Variants in NKX2-8 observed in about 807,000 individuals in gnomAD.
NKX2-8 encodes NK2 homeobox 8, also known as homeobox protein Nkx-2.8.
In NKX2-8, 8 loss-of-function variants were observed where a neutral mutation model predicts 6.4. The ratio of observed to expected loss-of-function variants is 1.24; its 90% CI spans 0.73 to 2.24. The LOEUF (loss-of-function observed/expected upper bound fraction) is 2.24. Among genes scored for constraint, NKX2-8 ranks in the 30% most tolerant of loss-of-function variants. The pLI, the probability that NKX2-8 is intolerant of heterozygous loss-of-function variation, is 0.00. For synonymous variants in NKX2-8, 216 were observed against 171.5 expected, an observed-to-expected ratio of 1.26 and a Z score of -2.03; for missense variants, 406 against 351.1, an observed-to-expected ratio of 1.16 and a Z score of -1.25.
intron 1 of NKX2-8, 116 bp downstream of exon 1, chr14:36,582,117 A>G (rs1030564210): frequency 2.4e-5 from 28 of 1,184,148 alleles, no homozygotes; most frequent in Middle Eastern, 2.9e-4. Flanking sequence ...AGACTGAGGA[A>G]ATCTAGACTC....
Position 36,581,593 on chromosome 14 carries a change from G to A in NKX2-8, c.158-129C>T. On this transcript the variant is annotated intron_variant, in intron 1 of 1. Coordinates refer to ENST00000258829, the MANE Select transcript of NKX2-8 (RefSeq NM_014360.4). This position sits in a 1 kb window ranked among gnomAD's most constrained non-coding sequence, Gnocchi z 5.6. ...ACTAGCCCGAGACTTTCGGGATGAG[G>A]CCATTTCCTGAGTCCACATCTGGAC... 1.3e-6 allele frequency: 1 copy of A among 756,370 alleles called. No individual in the cohort carries two copies. The highest frequency in any genetic ancestry group is 2.8e-5 in the East Asian group (1 of 35,334). The allele number at this position is 756,370 out of a possible 1,614,324, so 46.9% of individuals were successfully genotyped here.
chr14:36,581,046 G>T lies in NKX2-8; in HGVS notation c.576C>A (p.Ala192=). 1 of 1,369,156 alleles carries T rather than the reference G, an allele frequency of 7.3e-7. No homozygotes were observed. Among genetic ancestry groups the T allele is most frequent in the Non-Finnish European group, 9.3e-7 (1 of 1,073,188 alleles). 84.8% of individuals were successfully genotyped at this position (1,369,156 alleles called of 1,614,324 possible). A position where few individuals can be genotyped will look rare whatever the true frequency, so the allele number is the denominator to read the frequency against. ...GGGCGCCGCACTTCTCCTGGGCCGC[G>T]GCGGTTCCCACCTCGCCACCGCCGC... ...GGGGGGEVGT[A]AAQEKCGAPP... Residue 192 remains alanine, a synonymous_variant, in exon 2 of 2, where the codon GCC becomes GCA. Coordinates refer to ENST00000258829, the MANE Select transcript of NKX2-8 (RefSeq NM_014360.4). This position sits in a 1 kb window ranked among gnomAD's most constrained non-coding sequence, Gnocchi z 5.6.
rs1157953986 is a variant in NKX2-8 at position 36,580,679 on chromosome 14, T to C, written c.*223A>G. The C allele has an allele frequency of 1.3e-5, 5 of 396,456 alleles. No individual in the cohort carries two copies. The highest frequency in any genetic ancestry group is 2.2e-5 in the Non-Finnish European group (5 of 225,320). 24.6% of individuals were successfully genotyped at this position (396,456 alleles called of 1,614,324 possible). A position where few individuals can be genotyped will look rare whatever the true frequency, so the allele number is the denominator to read the frequency against. ...AAGGCCCAAGCATAAAATCTAACTCTGGGGCTGGCGGTGGAGGGAAGGTGA... is the reference window on the plus strand; with the variant it reads ...AAGGCCCAAGCATAAAATCTAACTCCGGGGCTGGCGGTGGAGGGAAGGTGA... On this transcript the variant is annotated 3_prime_UTR_variant, in exon 2 of 2. Coordinates refer to ENST00000258829, the MANE Select transcript of NKX2-8 (RefSeq NM_014360.4).
rs769640412 is a variant in NKX2-8 at position 36,581,417 on chromosome 14, G to T, written c.205C>A (p.Arg69=). The T allele has an allele frequency of 6.3e-7, 1 of 1,590,556 alleles. No homozygotes were observed. The highest frequency in any genetic ancestry group is 8.5e-7 in the Non-Finnish European group (1 of 1,169,810). Residue 69 remains arginine (R), a synonymous_variant, in exon 2 of 2, where the codon CGG becomes AGG. Coordinates refer to ENST00000258829, the MANE Select transcript of NKX2-8 (RefSeq NM_014360.4). The surrounding 1 kb of genome is among the most constrained non-coding windows in gnomAD (Gnocchi z 5.6). ...LETSPPDSSQ[R]PSARPASPGS... ...GGAGACGCGGGCCTAGCGGACGGCC[G>T]CTGCGACGAGTCTGGCGGGCTGGTC...
rs775973523 is a variant in NKX2-8, at chr14:36,582,359, C to G, written c.31G>C (p.Val11Leu). The G allele has an allele frequency of 6.3e-7, 1 of 1,579,984 alleles. No homozygotes were observed. Among genetic ancestry groups the G allele is most frequent in the South Asian group, 1.1e-5 (1 of 87,676 alleles). Residue 11 changes from valine (V) to leucine (L), a missense_variant, in exon 1 of 2, where the codon GTG becomes CTG. Transcript: ENST00000258829. The part of the protein sequence containing the change: MATSGRLSFT[V>L]RSLLDLPEQD... ...TCGGGTAAATCTAGAAGGCTGCGCA[C>G]GGTGAAGCTCAGGCGTCCAGAGGTG...
rs779787882 is a variant in NKX2-8, at chr14:36,580,218, T to A, written c.*684A>T. ...AGAAACTCCTTCTGCCCTGTCGTGG[T>A]CCACAGGGTTGACTTTTCGGTATTC... On this transcript the variant is annotated 3_prime_UTR_variant, in exon 2 of 2. Coordinates refer to ENST00000258829, the MANE Select transcript of NKX2-8 (RefSeq NM_014360.4). Among the ~76,000 whole-genome samples the A allele has an allele frequency of 6.6e-6, 1 of 152,174 alleles. No homozygotes were observed. Among genetic ancestry groups the A allele is most frequent in the Admixed American group, 6.5e-5 (1 of 15,282 alleles).
In NKX2-8 at chr14:36,582,481, C is replaced by T; in HGVS notation, c.-92G>A. 1 of 1,266,944 alleles carries T rather than the reference C, an allele frequency of 7.9e-7. No homozygotes were observed. The highest frequency in any genetic ancestry group is 1.1e-6 in the Non-Finnish European group (1 of 939,972). 78.5% of individuals were successfully genotyped at this position (1,266,944 alleles called of 1,614,324 possible). A position where few individuals can be genotyped will look rare whatever the true frequency, so the allele number is the denominator to read the frequency against. ...CCTACGGATGGGCGTGGGAGGCGCT[C>T]GCCATGCGCTGGCAGCCGGGATATT... On this transcript the variant is annotated 5_prime_UTR_variant, in exon 1 of 2. Transcript: ENST00000258829.
chr14:36,581,578 G>A lies in NKX2-8; in HGVS notation c.158-114C>T. The A allele has an allele frequency of 1.1e-6, 1 of 908,232 alleles. No individual in the cohort carries two copies. The highest frequency in any genetic ancestry group is 1.7e-5 in the African/African-American group (1 of 59,038). The allele number at this position is 908,232 out of a possible 1,614,324, so 56.3% of individuals were successfully genotyped here. ...CCAGAGGGCACGCCCACTAGCCCGA[G>A]ACTTTCGGGATGAGGCCATTTCCTG... On this transcript the variant is annotated intron_variant, in intron 1 of 1. Coordinates refer to ENST00000258829, the MANE Select transcript of NKX2-8 (RefSeq NM_014360.4). This position sits in a 1 kb window ranked among gnomAD's most constrained non-coding sequence, Gnocchi z 5.6.
Position 36,581,285 on chromosome 14 carries a change from C to A in NKX2-8, c.337G>T (p.Glu113Ter). The change falls in exon 2 of 2, where the codon GAG (glutamate) becomes TAG (stop). Residue 113 changes from glutamate (E) to a stop codon, truncating the protein, a stop_gained. Transcript: ENST00000258829. LOFTEE classifies it low-confidence loss of function (END_TRUNC). This position sits in a 1 kb window ranked among gnomAD's most constrained non-coding sequence, Gnocchi z 5.6. Reference protein sequence around the residue: ...FRQQRYLSAPEREQLASLLRL... With the variant: ...FRQQRYLSAP ...AGCAGGCTCGCCAGCTGCTCGCGCTCGGGCGCAGACAGGTACCGCTGCTGC... is the reference window on the plus strand; with the variant it reads ...AGCAGGCTCGCCAGCTGCTCGCGCTAGGGCGCAGACAGGTACCGCTGCTGC... 1.2e-6 allele frequency: 2 copies of A among 1,600,568 alleles called. No individual in the cohort carries two copies. Among genetic ancestry groups the A allele is most frequent in the South Asian group, 1.1e-5 (1 of 89,066 alleles).
chr14:36,580,788 G>A lies in NKX2-8; in HGVS notation c.*114C>T. 1.3e-6 allele frequency: 1 copy of A among 758,756 alleles called. No individual in the cohort carries two copies. Among genetic ancestry groups the A allele is most frequent in the Non-Finnish European group, 1.8e-6 (1 of 554,764 alleles). 47.0% of individuals were successfully genotyped at this position (758,756 alleles called of 1,614,324 possible). On this transcript the variant is annotated 3_prime_UTR_variant, in exon 2 of 2. Transcript: ENST00000258829. ...CGCCAGGGACCCTGGCGCCCAAGGA[G>A]ATGGGGCTGCAGGGAGGCGGACGGA...
chr14:36,581,538 G>A lies in NKX2-8; in HGVS notation c.158-74C>T. ...AGGGCCTGCTGCCCTTCTGGCGCGG[G>A]CGTGGAGGCACTGGCCAGAGGGCAC... On this transcript the variant is annotated intron_variant, in intron 1 of 1. Coordinates refer to ENST00000258829, the MANE Select transcript of NKX2-8 (RefSeq NM_014360.4). The surrounding 1 kb of genome is among the most constrained non-coding windows in gnomAD (Gnocchi z 5.6). 4 of 1,369,824 alleles carry A rather than the reference G, an allele frequency of 2.9e-6. 1 individual carries two copies. The South Asian group carries it at 6.0e-5, about 21-fold the overall frequency. 84.9% of individuals were successfully genotyped at this position (1,369,824 alleles called of 1,614,324 possible).
intron 1 of NKX2-8, 117 bp downstream of exon 1, chr14:36,582,116 A>G: frequency 8.6e-7 from 1 of 1,165,986 alleles, no homozygotes; most frequent in Non-Finnish European, 1.2e-6. Context: ...AAGACTGAGG[A>G]AATCTAGACT....
Position 36,581,225 on chromosome 14 carries a change from G to A in NKX2-8, c.397C>T (p.Gln133Ter). 4 of 1,611,060 alleles carry A rather than the reference G, an allele frequency of 2.5e-6. No homozygotes were observed. Among genetic ancestry groups the A allele is most frequent in the Non-Finnish European group, 2.5e-6 (3 of 1,179,372 alleles). ...CGCTTCAGCTTGTAGCGATGATTCT[G>A]GAACCAGATCTTGACCTGCGTGGGC... ...LTPTQVKIWF[Q>*]NHRYKLKRAR... The change falls in exon 2 of 2, where the codon CAG becomes TAG. Residue 133 changes from glutamine to a stop codon, truncating the protein, a stop_gained. Transcript: ENST00000258829. LOFTEE classifies it low-confidence loss of function (END_TRUNC). The surrounding 1 kb of genome is among the most constrained non-coding windows in gnomAD (Gnocchi z 5.6).
rs755903274 is a variant in NKX2-8 at position 36,581,145 on chromosome 14, C to T, written c.477G>A (p.Leu159=). ...ESPDLAASAE[L]HAAPGLLRRV... ...GACGCAGCAGGCCGGGCGCGGCGTGCAGCTCGGCGGATGCTGCCAGGTCAG... is the reference window on the plus strand; with the variant it reads ...GACGCAGCAGGCCGGGCGCGGCGTGTAGCTCGGCGGATGCTGCCAGGTCAG... Residue 159 remains leucine, a synonymous_variant, in exon 2 of 2, where the codon CTG becomes CTA. Transcript: ENST00000258829. The surrounding 1 kb of genome is among the most constrained non-coding windows in gnomAD (Gnocchi z 5.6). The T allele has an allele frequency of 3.2e-6, 5 of 1,556,596 alleles. No homozygotes were observed. The highest frequency in any genetic ancestry group is 4.3e-6 in the Non-Finnish European group (5 of 1,159,350).
Position 36,581,082 on chromosome 14 carries a change from C to A in NKX2-8, c.540G>T (p.Pro180=). The part of the protein sequence containing the change: ...VVPVLVRDGQ[P]CGGGGGGEVG... ...CCTCGCCACCGCCGCCGCCGCCGCA[C>A]GGCTGCCCGTCGCGAACAAGCACCG... Residue 180 remains proline, a synonymous_variant, in exon 2 of 2, where the codon CCG becomes CCT. Transcript: ENST00000258829. The surrounding 1 kb of genome is among the most constrained non-coding windows in gnomAD (Gnocchi z 5.6). 7.1e-7 allele frequency: 1 copy of A among 1,408,358 alleles called. No individual in the cohort carries two copies. Among genetic ancestry groups the A allele is most frequent in the Non-Finnish European group, 9.1e-7 (1 of 1,093,274 alleles). 87.2% of individuals were successfully genotyped at this position (1,408,358 alleles called of 1,614,324 possible). A position where few individuals can be genotyped will look rare whatever the true frequency, so the allele number is the denominator to read the frequency against.
chr14:36,582,283 T>TG lies in NKX2-8; in HGVS notation c.106dup (p.Gln36ProfsTer38), dbSNP rs1287965769. 3 of 1,608,702 alleles carry TG rather than the reference T, an allele frequency of 1.9e-6. No individual in the cohort carries two copies. The highest frequency in any genetic ancestry group is 1.7e-6 in the Non-Finnish European group (2 of 1,177,432). On this transcript the variant is annotated frameshift_variant, in exon 1 of 2. Coordinates refer to ENST00000258829, the MANE Select transcript of NKX2-8 (RefSeq NM_014360.4). LOFTEE classifies it high-confidence loss of function. ...CAGCCAGGCGGCGCAGGGGTCGGGCTGGGGGGCGCGTGGTTCTGGCTCCCG... is the reference window on the plus strand; with the variant it reads ...CAGCCAGGCGGCGCAGGGGTCGGGCTGGGGGGGCGCGTGGTTCTGGCTCCCG...
Position 36,582,440 on chromosome 14 carries a change from C to A in NKX2-8, c.-51G>T. On this transcript the variant is annotated 5_prime_UTR_variant, in exon 1 of 2. Coordinates refer to ENST00000258829, the MANE Select transcript of NKX2-8 (RefSeq NM_014360.4). ...GCAGGGCAGGCTGGGAACGGAGGGGCGGCCGGGACGCCGCTCCTACGGATG... is the reference window on the plus strand; with the variant it reads ...GCAGGGCAGGCTGGGAACGGAGGGGAGGCCGGGACGCCGCTCCTACGGATG... The A allele has an allele frequency of 7.1e-7, 1 of 1,414,072 alleles. No individual in the cohort carries two copies. The highest frequency in any genetic ancestry group is 1.5e-5 in the African/African-American group (1 of 67,904). 87.6% of individuals were successfully genotyped at this position (1,414,072 alleles called of 1,614,324 possible).
rs1230009024 is a variant in NKX2-8 at position 36,582,232 on chromosome 14, C to A, written c.157+1G>T. 1 of 1,607,462 alleles carries A rather than the reference C, an allele frequency of 6.2e-7. No homozygotes were observed. Among genetic ancestry groups the A allele is most frequent in the East Asian group, 2.3e-5 (1 of 44,372 alleles). On this transcript the variant is annotated splice_donor_variant, in intron 1 of 1. Transcript: ENST00000258829. LOFTEE classifies it high-confidence loss of function. ...CGCACCGCAATCCACCACGCACTTA[C>A]AAGGGTAGTGGCCGCGCTCCGAATC...
chr14:36,582,335 C>G lies in NKX2-8; in HGVS notation c.55G>C (p.Glu19Gln). The change falls in exon 1 of 2, where the codon GAG (glutamate) becomes CAG (glutamine). Residue 19 changes from glutamate (E) to glutamine (Q), a missense_variant. Physicochemically the swap from Glu to Gln is conservative, Grantham distance 29. Coordinates refer to ENST00000258829, the MANE Select transcript of NKX2-8 (RefSeq NM_014360.4). ...CTCGGCAGGTGTTGCGCGTCCTGCTCGGGTAAATCTAGAAGGCTGCGCACG... is the reference window on the plus strand; with the variant it reads ...CTCGGCAGGTGTTGCGCGTCCTGCTGGGGTAAATCTAGAAGGCTGCGCACG... The part of the protein sequence containing the change: ...FTVRSLLDLP[E>Q]QDAQHLPRRE... 2 of 1,605,820 alleles carry G rather than the reference C, an allele frequency of 1.2e-6. No individual in the cohort carries two copies. The highest frequency in any genetic ancestry group is 1.1e-5 in the South Asian group (1 of 90,264).
Sources: allele counts gnomAD v4.1 joint callset (sites outside exome capture counted in the v4.1 genomes callset), GRCh38; gene constraint gnomAD v4.1.1; non-coding constraint Gnocchi (gnomAD v3.1); transcripts MANE v1.5; gene names NCBI Gene and HGNC (gene_info 2026-07-23, HGNC 2026-07-21).